MCUB: variants seen among roughly 807,000 people sequenced by gnomAD.
MCUB encodes the protein calcium uniporter regulatory subunit MCUb, mitochondrial.
MCUB carries 46 observed loss-of-function variants against 41.4 expected under a neutral mutation model. The observed-to-expected ratio is 1.11, with a 90% confidence interval of 0.88 to 1.42. The LOEUF is 1.42. Among genes scored for constraint, MCUB ranks in the 40% most tolerant of loss-of-function variants. The pLI is 0.00. For synonymous variants in MCUB, 148 were observed against 148.2 expected, an observed-to-expected ratio of 1.00 and a Z score of 0.01; for missense variants, 403 against 404.9, an observed-to-expected ratio of 1.00 and a Z score of 0.04.
chr4:109,669,215 T>C (rs1362722514), intron 4 of MCUB, among the ~76,000 whole-genome samples: 1 of 152,224 alleles, frequency 6.6e-6, no homozygotes, highest in Non-Finnish European at 1.5e-5. Context: ...GCAGGCCTGC[T>C]AGCAACAAAT....
chr4:109,667,526 G>T (rs1007612339), intron 4 of MCUB, among the ~76,000 whole-genome samples: 11 of 151,118 alleles, frequency 7.3e-5, no homozygotes, highest in African/African-American at 2.7e-4. Flanking sequence ...TTTTTCCAAA[G>T]AACTAGCTTT....
At chr4:109,566,000 G>T (rs1044932798) in intron 1 of MCUB, among the ~76,000 whole-genome samples, 1 of 151,680 alleles carries the variant, frequency 6.6e-6, no homozygotes, top group East Asian at 1.9e-4. Flanking sequence ...ACACCACCAT[G>T]CCTGGCTAAT....
chr4:109,603,360 G>A (rs966163484), intron 1 of MCUB, among the ~76,000 whole-genome samples: 7 of 152,236 alleles, frequency 4.6e-5, no homozygotes, highest in African/African-American at 1.7e-4. Flanking sequence ...GCCTCCCGAG[G>A]TGCCCGGATT....
chr4:109,673,769 A>G (rs1371869051), intron 4 of MCUB: 2 of 588,266 alleles, frequency 3.4e-6, no homozygotes, highest in Non-Finnish European at 6.1e-6. Context: ...GCTTCTGAAG[A>G]AAAGGAAAAG....
intron 1 of MCUB, among the ~76,000 whole-genome samples, chr4:109,583,328 G>T (rs558040196): frequency 3.6e-4 from 55 of 152,220 alleles, no homozygotes; most frequent in African/African-American, 1.3e-3. Context: ...TGAAGCAATT[G>T]TGAATGGGAG....
rs1400868443 is a variant in MCUB, at chr4:109,687,586, G to C, written c.1005G>C (p.Lys335Asn). ...TGCAAGTAGAAGAACTCAATGAAAAGAATTAATCTTACAGTTTTAAATGTC... is the reference window on the plus strand; with the variant it reads ...TGCAAGTAGAAGAACTCAATGAAAACAATTAATCTTACAGTTTTAAATGTC... ...LQMQVEELNE[K>N]N Residue 335 changes from lysine to asparagine, a missense_variant, in exon 8 of 8, where the codon AAG (lysine) becomes AAC (asparagine). By Grantham distance (94) the Lys-to-Asn change is moderately conservative. Transcript: ENST00000394650. 16 of 1,602,786 alleles carry C rather than the reference G, an allele frequency of 1.0e-5. No homozygotes were observed. The highest frequency in any genetic ancestry group is 1.4e-5 in the Non-Finnish European group (16 of 1,170,556).
intron 4 of MCUB, among the ~76,000 whole-genome samples, chr4:109,674,574 A>C (rs1729532368): frequency 6.6e-6 from 1 of 152,260 alleles, no homozygotes; most frequent in South Asian, 2.1e-4. Flanking sequence ...CTGTCCAAAA[A>C]GTGCATGGAA....
At chr4:109,636,341 A>G (rs1374899629) in intron 1 of MCUB, among the ~76,000 whole-genome samples, 1 of 152,242 alleles carries the variant, frequency 6.6e-6, no homozygotes, top group Non-Finnish European at 1.5e-5. Flanking sequence ...TCAAGCCATC[A>G]GCAAAGTAAT....
Position 109,688,594 on chromosome 4 carries a change from A to G in MCUB, c.*1002A>G, listed in dbSNP as rs934632382. 9 of 152,244 alleles carry G rather than the reference A, an allele frequency of 5.9e-5. No homozygotes were observed. Among genetic ancestry groups the G allele is most frequent in the African/African-American group, 2.2e-4 (9 of 41,466 alleles). The allele number at this position is 152,244 out of a possible 1,614,324, so 9.4% of individuals were successfully genotyped here. On this transcript the variant is annotated 3_prime_UTR_variant, in exon 8 of 8. Transcript: ENST00000394650. ...AAACATCTATCAATTACACAAATGA[A>G]CAAGAATGTGAGTTAGAAAAATGTA...
intron 4 of MCUB, among the ~76,000 whole-genome samples, chr4:109,672,448 T>C (rs1050367693): frequency 2.6e-5 from 4 of 152,216 alleles, no homozygotes; most frequent in Admixed American, 1.3e-4. Flanking sequence ...CCAATTACAG[T>C]TTAAGAATTC....
chr4:109,604,248 G>A (rs367815259), intron 1 of MCUB, among the ~76,000 whole-genome samples: 76 of 151,084 alleles, frequency 5.0e-4, no homozygotes, highest in South Asian at 1.1e-3. Context: ...CAAACACTGC[G>A]GAAGGCCGCA....
intron 5 of MCUB, 112 bp downstream of exon 5, chr4:109,682,854 C>A: frequency 1.3e-6 from 1 of 774,578 alleles, no homozygotes; most frequent in Non-Finnish European, 2.0e-6. Context: ...TTCTCCTTTA[C>A]GCCTCACAAA....
intron 1 of MCUB, among the ~76,000 whole-genome samples, chr4:109,634,526 T>A (rs1728547723): frequency 6.6e-6 from 1 of 151,894 alleles, no homozygotes; most frequent in Non-Finnish European, 1.5e-5. Context: ...TGCTCCGTTT[T>A]AGTCACTACC....
chr4:109,663,390 A>G (rs557250527), intron 3 of MCUB, among the ~76,000 whole-genome samples: 8 of 152,390 alleles, frequency 5.2e-5, no homozygotes, highest in African/African-American at 1.9e-4. Flanking sequence ...GAGGCTGTGC[A>G]AAGCACATTG....
chr4:109,660,314 G>C lies in MCUB; in HGVS notation c.295G>C (p.Asp99His). 1 of 1,608,270 alleles carries C rather than the reference G, an allele frequency of 6.2e-7. No homozygotes were observed. The highest frequency in any genetic ancestry group is 8.5e-7 in the Non-Finnish European group (1 of 1,175,124). Residue 99 changes from aspartate to histidine, a missense_variant, in exon 3 of 8, where the codon GAC (aspartate) becomes CAC (histidine). Coordinates refer to ENST00000394650, the MANE Select transcript of MCUB (RefSeq NM_017918.5). ...GTCAACAGTTGGTTCATTCCTTCAGGACCTACAAAATGAAGATAAGGGTAT... is the reference window on the plus strand; with the variant it reads ...GTCAACAGTTGGTTCATTCCTTCAGCACCTACAAAATGAAGATAAGGGTAT... ...MLSTVGSFLQDLQNEDKGIKT... is the reference protein window; with the variant it reads ...MLSTVGSFLQHLQNEDKGIKT...
chr4:109,598,538 T>G (rs149369412), intron 1 of MCUB, among the ~76,000 whole-genome samples: 1,540 of 152,046 alleles, frequency 0.01, 32 homozygotes, highest in African/African-American at 0.035. Flanking sequence ...TGAGCCGAGA[T>G]GGCAGCAGTA....
chr4:109,678,129 TG>T (rs1729615102), intron 4 of MCUB, among the ~76,000 whole-genome samples: 1 of 152,010 alleles, frequency 6.6e-6, no homozygotes, highest in Admixed American at 6.5e-5. Flanking sequence ...AGCACGGGGT[TG>T]GGGGTAAGGT....
At chr4:109,563,302 C>T (rs1456386930) in intron 1 of MCUB, among the ~76,000 whole-genome samples, 1 of 152,196 alleles carries the variant, frequency 6.6e-6, no homozygotes, top group Non-Finnish European at 1.5e-5. Flanking sequence ...CTCTGCAGAG[C>T]AGCTTAAGTA....
intron 3 of MCUB, among the ~76,000 whole-genome samples, chr4:109,664,034 T>TG (rs1385994633): frequency 1.3e-5 from 2 of 152,236 alleles, no homozygotes; most frequent in Non-Finnish European, 2.9e-5. Context: ...GGGCACTACC[T>TG]GGATTCCAGC....
Sources: gnomAD v4.1 joint callset for allele counts (sites outside exome capture counted in the v4.1 genomes callset) on GRCh38, gnomAD v4.1.1 for gene constraint, MANE v1.5 for transcripts, NCBI Gene and HGNC (gene_info 2026-07-23, HGNC 2026-07-21) for gene names.